Variants in TRAF2 observed in about 807,000 individuals in gnomAD.
TRAF2 encodes TNF receptor associated factor 2.
In TRAF2, 6 loss-of-function variants were observed where a neutral mutation model predicts 55.6. That is an observed-to-expected ratio of 0.11 (90% CI 0.06 to 0.21). TRAF2 has a LOEUF of 0.21. Among genes scored for constraint, TRAF2 ranks in the 10% least tolerant of loss-of-function variants. The pLI, the probability that TRAF2 is intolerant of heterozygous loss-of-function variation, is 1.00. For missense variants in TRAF2, 561 were observed against 684.5 expected (o/e 0.82, Z 2.01); for synonymous variants, 329 against 276.3 (o/e 1.19, Z -1.89).
intron 1 of TRAF2, among the ~76,000 whole-genome samples, chr9:136,890,992 C>T (rs2131276174): frequency 6.6e-6 from 1 of 152,356 alleles, no homozygotes; most frequent in East Asian, 1.9e-4. Context: ...CCACCTCAGC[C>T]TCCTGAGTGG....
In TRAF2 at chr9:136,920,531, G is replaced by A. The variant is rs774626778; in HGVS notation, c.960+16G>A. The A allele has an allele frequency of 6.3e-7, 1 of 1,599,244 alleles. No homozygotes were observed. Among genetic ancestry groups the A allele is most frequent in the Non-Finnish European group, 8.5e-7 (1 of 1,171,468 alleles). On this transcript the variant is annotated intron_variant, in intron 8 of 10. Coordinates refer to ENST00000247668, the MANE Select transcript of TRAF2 (RefSeq NM_021138.4). The stretch of plus-strand genomic sequence containing the variant: ...GAGTAGCAAGGTTTGTGCCTGCCGG[G>A]TGGCCAGCCATGAGGAGGACAGTGT...
Position 136,910,160 on chromosome 9 carries a change from C to T in TRAF2, c.603+166C>T, listed in dbSNP as rs1413476139. On this transcript the variant is annotated intron_variant, in intron 6 of 10. Transcript: ENST00000247668. ...ATGGATGCGTTCAGGGTGGCGGCCG[C>T]TCTCCTGAGTGGGCCGGGGGCCAGG... The T allele has an allele frequency of 1.5e-5, 11 of 735,850 alleles. No individual in the cohort carries two copies. The Admixed American group carries it at 2.2e-4, about 15-fold the overall frequency. 45.6% of individuals were successfully genotyped at this position (735,850 alleles called of 1,614,324 possible).
At chr9:136,911,814 G>A (rs1197618606) in intron 6 of TRAF2, among the ~76,000 whole-genome samples, 1 of 148,994 alleles carries the variant, frequency 6.7e-6, no homozygotes, top group Admixed American at 6.7e-5. Flanking sequence ...TGTTTCTAAT[G>A]TGTGTGGCGT....
chr9:136,926,056 C>A lies in TRAF2; in HGVS notation c.*155C>A, dbSNP rs775336386. On this transcript the variant is annotated 3_prime_UTR_variant, in exon 11 of 11. Transcript: ENST00000247668. ...CGGCCTGCAGCCAAGTTCACTGTCA[C>A]GGGGGAAGGAGCCACCAGCCAGTCC... 1 of 926,354 alleles carries A rather than the reference C, an allele frequency of 1.1e-6. No individual in the cohort carries two copies. 57.4% of individuals were successfully genotyped at this position (926,354 alleles called of 1,614,324 possible).
chr9:136,920,424 A>G lies in TRAF2; in HGVS notation c.869A>G (p.Asn290Ser). Residue 290 changes from asparagine to serine, a missense_variant, in exon 8 of 11, where the codon AAC becomes AGC. By Grantham distance (46) the Asn-to-Ser change is conservative. Transcript: ENST00000247668. ...ATFENIVCVL[N>S]REVERVAMTA... ...TTTGAGAACATTGTCTGCGTCCTGA[A>G]CCGGGAGGTGGAGAGGGTGGCCATG... The G allele has an allele frequency of 1.2e-6, 2 of 1,613,990 alleles. No individual in the cohort carries two copies. Among genetic ancestry groups the G allele is most frequent in the Non-Finnish European group, 1.7e-6 (2 of 1,180,022 alleles).
intron 6 of TRAF2, 42 bp downstream of exon 6, chr9:136,910,036 C>G: frequency 1.3e-6 from 2 of 1,597,494 alleles, no homozygotes; most frequent in Admixed American, 3.4e-5. Context: ...AGGGCGGGGC[C>G]CATGTGTTGG....
chr9:136,925,457 G>C (rs1377639139), intron 10 of TRAF2, among the ~76,000 whole-genome samples: 1 of 152,266 alleles, frequency 6.6e-6, no homozygotes, highest in African/African-American at 2.4e-5. Flanking sequence ...AATGGACACA[G>C]ATTCCCCAGA....
In TRAF2 at chr9:136,920,469, G is replaced by A. The variant is rs1254936375; in HGVS notation, c.914G>A (p.Arg305Gln). ...RVAMTAEACS[R>Q]QHRLDQDKIE... Reference sequence around the variant, plus strand: ...GCCATGACTGCCGAGGCCTGCAGCCGGCAGCACCGGCTGGACCAAGACAAG... The same window carrying A: ...GCCATGACTGCCGAGGCCTGCAGCCAGCAGCACCGGCTGGACCAAGACAAG... Residue 305 changes from arginine (R) to glutamine (Q), a missense_variant, in exon 8 of 11, where the codon CGG becomes CAG. Coordinates refer to ENST00000247668, the MANE Select transcript of TRAF2 (RefSeq NM_021138.4). 26 of 1,613,450 alleles carry A rather than the reference G, an allele frequency of 1.6e-5. No individual in the cohort carries two copies. Among genetic ancestry groups the A allele is most frequent in the Non-Finnish European group, 2.0e-5 (24 of 1,179,922 alleles).
chr9:136,895,858 A>G (rs1187289634), intron 1 of TRAF2, among the ~76,000 whole-genome samples: 3 of 144,860 alleles, frequency 2.1e-5, no homozygotes, highest in Non-Finnish European at 3.2e-5. Context: ...AGGAAAAAAA[A>G]AAAAAAAAAA....
At chr9:136,910,040 G>T in intron 6 of TRAF2, 46 bp downstream of exon 6, 6 of 1,585,424 alleles carry the variant, frequency 3.8e-6, no homozygotes, top group Non-Finnish European at 4.3e-6. Flanking sequence ...CGGGGCCCAT[G>T]TGTTGGACGT....
intron 1 of TRAF2, among the ~76,000 whole-genome samples, chr9:136,893,950 A>G (rs953010787): frequency 6.7e-5 from 10 of 150,214 alleles, no homozygotes; most frequent in African/African-American, 2.2e-4. Context: ...GGGTTTCACC[A>G]TGTTGGTCGG....
At chr9:136,898,674 C>T (rs1332467703) in intron 1 of TRAF2, 39 bp from the exon 2 acceptor site, 2 of 1,605,412 alleles carry the variant, frequency 1.2e-6, no homozygotes, top group Non-Finnish European at 8.5e-7. Flanking sequence ...GAGGACTGTT[C>T]TGGAATTGAG....
chr9:136,910,105 A>G, intron 6 of TRAF2, 111 bp downstream of exon 6: 1 of 1,136,326 alleles, frequency 8.8e-7, no homozygotes, highest in Non-Finnish European at 1.3e-6. Context: ...CCAAAGGAAC[A>G]GCAGTGCAAA....
At chr9:136,889,743 G>A (rs1487543644) in intron 1 of TRAF2, 1 of 152,270 alleles carries the variant, frequency 6.6e-6, no homozygotes, top group Non-Finnish European at 1.5e-5. Context: ...ACAGGTGCAA[G>A]CCACTGTGTC....
chr9:136,919,042 A>ATATATATTTATTTATTTATTTATT (rs149167081), intron 7 of TRAF2, among the ~76,000 whole-genome samples: 62 of 138,382 alleles, frequency 4.5e-4, no homozygotes, highest in African/African-American at 1.5e-3. Context: ...GCCTATTTTA[A>ATATATATTTATTTATTTATTTATT]TATTTATTTA....
chr9:136,900,564 T>G (rs1021830001), intron 4 of TRAF2, 44 bp downstream of exon 4: 5 of 1,538,792 alleles, frequency 3.2e-6, no homozygotes, highest in Non-Finnish European at 4.5e-6. Flanking sequence ...GCTCCAGCAG[T>G]CGGGAGTCGT....
intron 7 of TRAF2, among the ~76,000 whole-genome samples, chr9:136,919,816 A>G (rs1588443317): frequency 6.6e-6 from 1 of 150,610 alleles, no homozygotes; most frequent in African/African-American, 2.4e-5. Context: ...CCTGGGCTCA[A>G]GTGATCCTCC....
At position 136,898,597 on chromosome 9, in the gene TRAF2, C is replaced by T. The variant is rs1435163427; in HGVS notation, c.-28-116C>T. The T allele has an allele frequency of 4.0e-6, 6 of 1,482,492 alleles. 1 individual carries two copies. The South Asian group carries it at 6.7e-5, about 16-fold the overall frequency. 91.8% of individuals were successfully genotyped at this position (1,482,492 alleles called of 1,614,324 possible). On this transcript the variant is annotated intron_variant, in intron 1 of 10. Coordinates refer to ENST00000247668, the MANE Select transcript of TRAF2 (RefSeq NM_021138.4). ...ATTCTGCTTCTCTGAGTCTTGACCG[C>T]AGGTCAGTGGGGACCCGGCCCCTCA...
upstream of TRAF2, among the ~76,000 whole-genome samples, chr9:136,884,837 T>C (rs538902100): frequency 3.3e-5 from 5 of 152,344 alleles, no homozygotes; most frequent in East Asian, 9.7e-4. Flanking sequence ...GCTGGGATTA[T>C]AGGCATGAAC....
Sources: gnomAD v4.1 joint callset for allele counts (sites outside exome capture counted in the v4.1 genomes callset) on GRCh38, gnomAD v4.1.1 for gene constraint, MANE v1.5 for transcripts, NCBI Gene and HGNC (gene_info 2026-07-23, HGNC 2026-07-21) for gene names.